The following GALNT13 variants were observed in gnomAD, a reference collection of about 807,000 sequenced individuals.
GALNT13 encodes the protein UDP-GalNAc:polypeptide N-acetylgalactosaminyltransferase 13.
A neutral mutation model predicts 64.2 loss-of-function variants in GALNT13; 28 were observed. The observed-to-expected ratio is 0.44, with a 90% CI of 0.32 to 0.60. GALNT13 has a LOEUF of 0.60. Among genes scored for constraint, GALNT13 ranks in the 20% least tolerant of loss-of-function variants. The pLI, the probability that GALNT13 is intolerant of heterozygous loss-of-function variation, is 0.05. For synonymous variants in GALNT13, 214 were observed against 224.6 expected (o/e 0.95, Z 0.42); for missense variants, 577 against 669.8 (o/e 0.86, Z 1.53).
the GALNT13 span, among the ~76,000 whole-genome samples, chr2:153,329,391 C>T: frequency 6.6e-6 from 1 of 152,186 alleles, no homozygotes; most frequent in Admixed American, 6.5e-5. Context: ...ACATTCTTAT[C>T]AACAGTGTAT....
chr2:153,081,840 A>G, the GALNT13 span, among the ~76,000 whole-genome samples: 1 of 152,120 alleles, frequency 6.6e-6, no homozygotes, highest in African/African-American at 2.4e-5. Context: ...GGGAGTGCAG[A>G]TATTTCTTTG....
the GALNT13 span, among the ~76,000 whole-genome samples, chr2:153,093,873 A>G: frequency 1.3e-5 from 2 of 152,082 alleles, no homozygotes; most frequent in African/African-American, 4.8e-5. Context: ...TGGTCTGTGC[A>G]GGTTTTGGAT....
At chr2:153,255,302 T>G in the GALNT13 span, among the ~76,000 whole-genome samples, 1 of 141,338 alleles carries the variant, frequency 7.1e-6, no homozygotes, top group Admixed American at 7.1e-5. Flanking sequence ...CCCTGCCTTT[T>G]TTTGTTTTCC....
chr2:153,568,739 A>G, the GALNT13 span, among the ~76,000 whole-genome samples: 1 of 152,214 alleles, frequency 6.6e-6, no homozygotes. Flanking sequence ...GTTATTAAAA[A>G]AGGGAAGTGC....
chr2:154,426,332 C>G (rs1700469907), intron 11 of GALNT13, among the ~76,000 whole-genome samples: 1 of 152,184 alleles, frequency 6.6e-6, no homozygotes, highest in African/African-American at 2.4e-5. Context: ...GAGAGTCCCT[C>G]TCTTCAGTGC....
intron 3 of GALNT13, among the ~76,000 whole-genome samples, chr2:154,026,569 G>A (rs1697979858): frequency 6.6e-6 from 1 of 152,168 alleles, no homozygotes. Context: ...TCTGGTCAGA[G>A]TCTTTTTCCT....
intron 8 of GALNT13, among the ~76,000 whole-genome samples, chr2:154,282,971 G>A (rs935055007): frequency 6.6e-6 from 1 of 152,114 alleles, no homozygotes. Context: ...TGACAATGAA[G>A]AAAAAGTGGC....
chr2:153,419,536 G>A, the GALNT13 span, among the ~76,000 whole-genome samples: 1 of 152,212 alleles, frequency 6.6e-6, no homozygotes, highest in African/African-American at 2.4e-5. Context: ...AGGGATTAGG[G>A]AGGGAAGTAG....
chr2:153,731,695 A>G, the GALNT13 span, among the ~76,000 whole-genome samples: 1 of 151,984 alleles, frequency 6.6e-6, no homozygotes, highest in South Asian at 2.1e-4. Context: ...TTGTTATTGC[A>G]AAACTAAGGT....
the GALNT13 span, among the ~76,000 whole-genome samples, chr2:153,624,865 T>G: frequency 6.6e-6 from 1 of 151,690 alleles, no homozygotes; most frequent in Admixed American, 6.6e-5. Context: ...AGTATTTTGT[T>G]TGAGATAGTT....
chr2:154,374,498 AC>A (rs1697869625), intron 9 of GALNT13, among the ~76,000 whole-genome samples: 1 of 152,150 alleles, frequency 6.6e-6, no homozygotes, highest in African/African-American at 2.4e-5. Context: ...TTAAAGCTGA[AC>A]TATAAACTTC....
chr2:153,624,014 A>G, the GALNT13 span, among the ~76,000 whole-genome samples: 1 of 152,114 alleles, frequency 6.6e-6, no homozygotes, highest in Non-Finnish European at 1.5e-5. Flanking sequence ...TGTTCTAACC[A>G]TGAACATGCC....
At chr2:153,571,778 T>C in the GALNT13 span, among the ~76,000 whole-genome samples, 1 of 152,054 alleles carries the variant, frequency 6.6e-6, no homozygotes, top group Non-Finnish European at 1.5e-5. Context: ...GAAGCATCTT[T>C]GCATCCCAGG....
chr2:154,074,664 T>C (rs1700897707), intron 3 of GALNT13, among the ~76,000 whole-genome samples: 2 of 151,902 alleles, frequency 1.3e-5, no homozygotes, highest in Admixed American at 1.3e-4. Context: ...ATATCCTTGA[T>C]GAACATAAAT....
chr2:153,203,892 C>CAT, the GALNT13 span, among the ~76,000 whole-genome samples: 6 of 151,498 alleles, frequency 4.0e-5, no homozygotes, highest in South Asian at 2.1e-4. Flanking sequence ...CACACACACA[C>CAT]GCATACACTA....
intron 2 of GALNT13, among the ~76,000 whole-genome samples, chr2:153,921,931 A>G (rs1456394680): frequency 6.6e-6 from 1 of 152,180 alleles, no homozygotes; most frequent in Non-Finnish European, 1.5e-5. Flanking sequence ...TAGAAATATA[A>G]TAAGGATAAA....
chr2:154,433,231 T>C (rs1700785908), intron 11 of GALNT13, among the ~76,000 whole-genome samples: 1 of 152,176 alleles, frequency 6.6e-6, no homozygotes, highest in African/African-American at 2.4e-5. Flanking sequence ...GACAACTGAA[T>C]ACAGGGAGCT....
At chr2:153,993,334 G>T (rs1235067512) in intron 3 of GALNT13, among the ~76,000 whole-genome samples, 2 of 147,128 alleles carry the variant, frequency 1.4e-5, no homozygotes, top group Admixed American at 1.4e-4. Context: ...AGTAGTAGTA[G>T]TATTTAGAAT....
the GALNT13 span, among the ~76,000 whole-genome samples, chr2:153,265,811 G>T: frequency 6.6e-6 from 1 of 152,158 alleles, no homozygotes; most frequent in African/African-American, 2.4e-5. Flanking sequence ...TGATGAAGAT[G>T]CTATGAGTAT....
Sources: gnomAD v4.1 joint callset for allele counts (sites outside exome capture counted in the v4.1 genomes callset) on GRCh38, gnomAD v4.1.1 for gene constraint, MANE v1.5 for transcripts, NCBI Gene and HGNC (gene_info 2026-07-23, HGNC 2026-07-21) for gene names.